The following MGLL variants were observed in gnomAD, a reference collection of about 807,000 sequenced individuals.
MGLL encodes lysophospholipase homolog.
A neutral mutation model predicts 29.1 loss-of-function variants in MGLL; 7 were observed. That is an observed-to-expected ratio of 0.24 (90% CI 0.14 to 0.45). The LOEUF (loss-of-function observed/expected upper bound fraction) is 0.45, where lower values mean the gene tolerates loss of function less well. Among genes scored for constraint, MGLL ranks in the 20% least tolerant of loss-of-function variants. MGLL has a pLI of 0.99. For missense variants in MGLL, 356 were observed against 413.6 expected, an observed-to-expected ratio of 0.86 and a Z score of 1.21; for synonymous variants, 148 against 168.3, an observed-to-expected ratio of 0.88 and a Z score of 0.93.
At chr3:127,770,340 A>C (rs2076928530) in intron 3 of MGLL, among the ~76,000 whole-genome samples, 1 of 152,144 alleles carries the variant, frequency 6.6e-6, no homozygotes, top group East Asian at 1.9e-4. Context: ...CTCACCCTGA[A>C]ACATTTTTTT....
chr3:127,766,970 T>C (rs559292220), intron 3 of MGLL, among the ~76,000 whole-genome samples: 15 of 151,740 alleles, frequency 9.9e-5, no homozygotes, highest in African/African-American at 3.6e-4. Flanking sequence ...ACTCAGGAGG[T>C]TGAGGCAGGA....
chr3:127,728,479 A>G (rs1391066029), intron 3 of MGLL, among the ~76,000 whole-genome samples: 1 of 152,050 alleles, frequency 6.6e-6, no homozygotes, highest in Non-Finnish European at 1.5e-5. Context: ...CTATTTCTGG[A>G]TTTCTACCAG....
intron 3 of MGLL, among the ~76,000 whole-genome samples, chr3:127,728,298 T>A (rs1020961355): frequency 2.6e-5 from 4 of 151,152 alleles, no homozygotes; most frequent in Non-Finnish European, 5.9e-5. Context: ...ATAAGAAAAC[T>A]ACCTGTTTAT....
At chr3:127,706,570 C>T (rs149789505) in intron 6 of MGLL, among the ~76,000 whole-genome samples, 1 of 152,338 alleles carries the variant, frequency 6.6e-6, no homozygotes, top group East Asian at 1.9e-4. Flanking sequence ...GAGCAATTCA[C>T]ACGCTCCCTC....
Position 127,822,449 on chromosome 3 carries a change from G to T in MGLL, c.-131C>A. On this transcript the variant is annotated 5_prime_UTR_variant, in exon 1 of 8. In the 5' UTR this introduces an upstream ATG that the reference lacks. Coordinates refer to ENST00000265052, the MANE Select transcript of MGLL (RefSeq NM_007283.7). ...GCTCCGAGCCCTCTTCCCGCACCCA[G>T]ACCCTGCCTTTCGGGCTGGGGCGCT... The T allele has an allele frequency of 1.1e-6, 1 of 946,098 alleles. No homozygotes were observed. Among genetic ancestry groups the T allele is most frequent in the Non-Finnish European group, 1.7e-6 (1 of 598,010 alleles). The allele number at this position is 946,098 out of a possible 1,614,324, so 58.6% of individuals were successfully genotyped here.
chr3:127,751,424 C>T (rs1314267452), intron 3 of MGLL, among the ~76,000 whole-genome samples: 2 of 151,510 alleles, frequency 1.3e-5, no homozygotes, highest in Non-Finnish European at 2.9e-5. Flanking sequence ...ACCCTGCTGC[C>T]ACCAGGTGAA....
intron 3 of MGLL, among the ~76,000 whole-genome samples, chr3:127,734,833 A>G (rs1576523077): frequency 6.6e-6 from 1 of 152,192 alleles, no homozygotes. Flanking sequence ...GAGGCTCTGG[A>G]GAGATGGGAG....
Position 127,805,358 on chromosome 3 carries a change from A to G in MGLL, c.155+16336T>C, listed in dbSNP as rs561264214. Among the ~76,000 whole-genome samples, 13 of 152,334 alleles carry G rather than the reference A, an allele frequency of 8.5e-5. No individual in the cohort carries two copies. In the South Asian group the frequency reaches 2.5e-3, roughly 29 times the overall value. ...AAATGGTCACAATTTCATAGGCACA[A>G]TGAGGCCTCTGCACTCCATTATGAC... On this transcript the variant is annotated intron_variant, in intron 2 of 7. Transcript: ENST00000265052.
chr3:127,819,260 G>A (rs2077815428), intron 2 of MGLL, among the ~76,000 whole-genome samples: 1 of 152,218 alleles, frequency 6.6e-6, no homozygotes, highest in Admixed American at 6.5e-5. Context: ...GGGGCAATAT[G>A]TCTCTGTAGG....
At chr3:127,728,765 T>C (rs1342545267) in intron 3 of MGLL, among the ~76,000 whole-genome samples, 2 of 152,228 alleles carry the variant, frequency 1.3e-5, no homozygotes, top group Non-Finnish European at 1.5e-5. Context: ...TTGGCTGAAA[T>C]GTAAATGCAT....
At chr3:127,805,581 C>G (rs188005806) in intron 2 of MGLL, among the ~76,000 whole-genome samples, 1 of 152,210 alleles carries the variant, frequency 6.6e-6, no homozygotes, top group South Asian at 2.1e-4. Flanking sequence ...GCCCACCCCC[C>G]ACTAGGGTTG....
intron 2 of MGLL, among the ~76,000 whole-genome samples, chr3:127,811,086 T>G (rs1434861932): frequency 6.7e-6 from 1 of 149,206 alleles, no homozygotes. Context: ...GCTCCTTTCC[T>G]GCACAAAAGG....
intron 6 of MGLL, among the ~76,000 whole-genome samples, chr3:127,703,911 C>T (rs1481078152): frequency 1.3e-5 from 2 of 152,122 alleles, no homozygotes; most frequent in African/African-American, 2.4e-5. Flanking sequence ...GCAAAGCAAA[C>T]GATGGGCCAG....
intron 3 of MGLL, among the ~76,000 whole-genome samples, chr3:127,760,214 C>G (rs1047590913): frequency 6.6e-6 from 1 of 152,212 alleles, no homozygotes; most frequent in African/African-American, 2.4e-5. Context: ...TAGGAAGCCT[C>G]AGGCCTAACA....
upstream of MGLL, chr3:127,823,021 G>A (rs1169255432): frequency 6.6e-6 from 1 of 152,302 alleles, no homozygotes; most frequent in East Asian, 1.9e-4. Context: ...CGGGACCCCA[G>A]TGCTGCTCCC....
chr3:127,708,778 C>A (rs1240557946), intron 6 of MGLL, among the ~76,000 whole-genome samples: 1 of 152,212 alleles, frequency 6.6e-6, no homozygotes, highest in African/African-American at 2.4e-5. Context: ...ATGAGGGATG[C>A]AGGCAGGTGC....
At chr3:127,813,131 C>T (rs538315070) in intron 2 of MGLL, among the ~76,000 whole-genome samples, 7 of 152,222 alleles carry the variant, frequency 4.6e-5, no homozygotes, top group Admixed American at 1.3e-4. Flanking sequence ...TGTATGTGGC[C>T]GCCTGTGCAG....
At chr3:127,727,355 T>TA (rs2076064915) in intron 3 of MGLL, among the ~76,000 whole-genome samples, 1 of 152,190 alleles carries the variant, frequency 6.6e-6, no homozygotes, top group African/African-American at 2.4e-5. Flanking sequence ...CTTTTTTTTT[T>TA]ACATGAGACT....
chr3:127,800,358 T>C (rs1282530436), intron 2 of MGLL, among the ~76,000 whole-genome samples: 1 of 152,192 alleles, frequency 6.6e-6, no homozygotes, highest in Non-Finnish European at 1.5e-5. Context: ...ATGCAGACTA[T>C]CATTAATAAG....
Sources: gnomAD v4.1 joint callset for allele counts (sites outside exome capture counted in the v4.1 genomes callset) on GRCh38, gnomAD v4.1.1 for gene constraint, MANE v1.5 for transcripts, NCBI Gene and HGNC (gene_info 2026-07-23, HGNC 2026-07-21) for gene names.